Variants in AMPH observed in about 807,000 individuals in gnomAD.
AMPH encodes amphiphysin (Stiff-Mann syndrome with breast cancer 128kD autoantigen).
A neutral mutation model predicts 99.1 loss-of-function variants in AMPH; 49 were observed. The observed-to-expected ratio is 0.49, with a 90% confidence interval of 0.39 to 0.63. AMPH has a LOEUF of 0.63. AMPH is among the 20% of genes least tolerant of loss of function. The pLI is 0.00. For synonymous variants in AMPH, 314 were observed against 317.3 expected, an observed-to-expected ratio of 0.99 and a Z score of 0.11; for missense variants, 759 against 863.4, an observed-to-expected ratio of 0.88 and a Z score of 1.52.
chr7:38,543,856 A>G (rs2129043783), intron 1 of AMPH, among the ~76,000 whole-genome samples: 1 of 152,326 alleles, frequency 6.6e-6, no homozygotes, highest in East Asian at 1.9e-4. Context: ...ACCAAAGACT[A>G]TATATCCATC....
intron 1 of AMPH, 116 bp from the exon 2 acceptor site, chr7:38,535,127 T>A: frequency 1.2e-6 from 1 of 802,462 alleles, no homozygotes. Flanking sequence ...AGCAAAACTA[T>A]CAGCACTTCT....
intron 10 of AMPH, among the ~76,000 whole-genome samples, chr7:38,462,439 T>G (rs1004824419): frequency 2.0e-5 from 3 of 152,188 alleles, no homozygotes; most frequent in African/African-American, 7.2e-5. Context: ...ATAAAGGTGG[T>G]AGTTTCTCTC....
At chr7:38,461,221 C>T in intron 11 of AMPH, 62 bp downstream of exon 11, 1 of 1,597,514 alleles carries the variant, frequency 6.3e-7, no homozygotes, top group Non-Finnish European at 8.6e-7. Flanking sequence ...TAGGGCTAGC[C>T]CCTGAGAGTC....
intron 2 of AMPH, among the ~76,000 whole-genome samples, chr7:38,504,869 C>T (rs1789267118): frequency 1.3e-5 from 2 of 152,206 alleles, no homozygotes; most frequent in Non-Finnish European, 2.9e-5. Flanking sequence ...CGATTTAAAA[C>T]ATGCATGCAT....
intron 16 of AMPH, among the ~76,000 whole-genome samples, chr7:38,420,420 T>A (rs1785540022): frequency 6.6e-6 from 1 of 152,228 alleles, no homozygotes; most frequent in Non-Finnish European, 1.5e-5. Flanking sequence ...GCAAATGGGT[T>A]GATCCCATGC....
At chr7:38,397,002 A>T (rs1784690397) in intron 17 of AMPH, among the ~76,000 whole-genome samples, 3 of 152,232 alleles carry the variant, frequency 2.0e-5, no homozygotes, top group African/African-American at 4.8e-5. Context: ...CTGTCTGGAA[A>T]ATCACACCTA....
rs1395572717 is a variant in AMPH at position 38,491,107 on chromosome 7, G to A, written c.339C>T (p.Leu113=). The change falls in exon 5 of 21, where the codon CTC becomes CTT. Residue 113 remains leucine (L), a synonymous_variant. Coordinates refer to ENST00000356264, the MANE Select transcript of AMPH (RefSeq NM_001635.4). ...DVLWEDFHQK[L]VDGSLLTLDT... is the part of the protein sequence containing the mutation. ...CCAGTGTTAGCAAGGACCCATCCAC[G>A]AGTTTTTGATGGAAGTCTTCCCACA... 10 of 1,612,832 alleles carry A rather than the reference G, an allele frequency of 6.2e-6. No individual in the cohort carries two copies. Among genetic ancestry groups the A allele is most frequent in the East Asian group, 4.5e-5 (2 of 44,850 alleles).
chr7:38,567,403 G>A (rs1003787333), intron 1 of AMPH, among the ~76,000 whole-genome samples: 4 of 152,146 alleles, frequency 2.6e-5, no homozygotes, highest in African/African-American at 9.7e-5. Context: ...TGGGGGCTGG[G>A]GGATGGATAG....
intron 1 of AMPH, among the ~76,000 whole-genome samples, chr7:38,550,789 C>T (rs1791153992): frequency 6.6e-6 from 1 of 152,088 alleles, no homozygotes. Flanking sequence ...GGCTGGGTTT[C>T]GGTTGTTTGT....
chr7:38,627,387 C>CAAAAAAAAAAAAAAAAAAAAAAAAA (rs70977419), intron 1 of AMPH, among the ~76,000 whole-genome samples: 2 of 116,936 alleles, frequency 1.7e-5, no homozygotes, highest in Admixed American at 9.3e-5. Flanking sequence ...ACTAAAAATA[C>CAAAAAAAAAAAAAAAAAAAAAAAAA]AAAAAAAAAA....
At chr7:38,491,829 AT>A (rs1345275748) in intron 4 of AMPH, among the ~76,000 whole-genome samples, 8 of 152,148 alleles carry the variant, frequency 5.3e-5, no homozygotes, top group African/African-American at 1.9e-4. Flanking sequence ...TTCAACTCAG[AT>A]TTGTCTCCTT....
At chr7:38,532,881 G>T (rs971389000) in intron 2 of AMPH, among the ~76,000 whole-genome samples, 16 of 152,168 alleles carry the variant, frequency 1.1e-4, no homozygotes, top group Non-Finnish European at 1.8e-4. Context: ...AAGTGATAGA[G>T]AAAAACTCCA....
intron 2 of AMPH, among the ~76,000 whole-genome samples, chr7:38,521,700 T>A (rs1789971017): frequency 6.6e-6 from 1 of 152,162 alleles, no homozygotes; most frequent in African/African-American, 2.4e-5. Flanking sequence ...CATTCCTATG[T>A]TGCTTTCTTG....
At chr7:38,463,210 G>A (rs748838465) in intron 9 of AMPH, 97 bp from the exon 10 acceptor site, 2 of 1,531,330 alleles carry the variant, frequency 1.3e-6, no homozygotes, top group Non-Finnish European at 1.8e-6. Flanking sequence ...AAGCCTAACA[G>A]GTACTGTCTG....
intron 17 of AMPH, among the ~76,000 whole-genome samples, chr7:38,406,723 TC>T (rs371629102): frequency 1.2e-5 from 1 of 83,004 alleles, no homozygotes; most frequent in African/African-American, 4.5e-5. Flanking sequence ...CCTCTCTCTC[TC>T]CCTTTCCCTC....
chr7:38,394,312 A>G, intron 17 of AMPH, 98 bp from the exon 18 acceptor site: 1 of 1,292,730 alleles, frequency 7.7e-7, no homozygotes. Context: ...TGTGGAGGCT[A>G]TTCAGATTTG....
rs41279588 is a variant in AMPH at position 38,494,427 on chromosome 7, T to A, written c.300+6A>T. The A allele has an allele frequency of 1.6e-3, 2,553 of 1,613,402 alleles. 10 individuals carry two copies. The highest frequency in any genetic ancestry group is 1.7e-3 in the Non-Finnish European group (1,977 of 1,179,526). Reference sequence around the variant, plus strand: ...GGAGCCTCATGGAAGCCACCCCAGCTCTTACCTCACCAACCATTTTCACAT... The same window carrying A: ...GGAGCCTCATGGAAGCCACCCCAGCACTTACCTCACCAACCATTTTCACAT... On this transcript the variant is annotated splice_donor_region_variant and intron_variant, in intron 4 of 20. Transcript: ENST00000356264.
At chr7:38,570,698 A>T (rs1791911919) in intron 1 of AMPH, among the ~76,000 whole-genome samples, 1 of 135,282 alleles carries the variant, frequency 7.4e-6, no homozygotes, top group Non-Finnish European at 1.7e-5. Context: ...GTGAATTCCC[A>T]TCGATTAAAA....
chr7:38,523,000 C>T (rs935290625), intron 2 of AMPH, among the ~76,000 whole-genome samples: 1 of 151,260 alleles, frequency 6.6e-6, no homozygotes, highest in Admixed American at 6.6e-5. Context: ...CCCAGCTACT[C>T]GGGAGGCTGA....
Sources: allele counts gnomAD v4.1 joint callset (sites outside exome capture counted in the v4.1 genomes callset), GRCh38; gene constraint gnomAD v4.1.1; transcripts MANE v1.5; gene names NCBI Gene and HGNC (gene_info 2026-07-23, HGNC 2026-07-21).